KIAA0930: variants seen among roughly 807,000 people sequenced by gnomAD.
The protein encoded by KIAA0930 is uncharacterized protein KIAA0930.
In KIAA0930, 24 loss-of-function variants were observed where a neutral mutation model predicts 43.9. That is an observed-to-expected ratio of 0.55 (90% CI 0.40 to 0.77). KIAA0930 has a LOEUF of 0.77. KIAA0930 is among the 30% of genes least tolerant of loss of function. KIAA0930 has a pLI of 0.00. For synonymous variants in KIAA0930, 259 were observed against 216.4 expected, an observed-to-expected ratio of 1.20 and a Z score of -1.73; for missense variants, 461 against 574.2, an observed-to-expected ratio of 0.80 and a Z score of 2.02.
Position 45,212,005 on chromosome 22 carries a change from C to T in KIAA0930, c.167G>A (p.Arg56His), listed in dbSNP as rs745360157. The T allele has an allele frequency of 1.1e-5, 17 of 1,613,460 alleles. No homozygotes were observed. In the African/African-American group the frequency reaches 1.5e-4, roughly 14 times the overall value. The change falls in exon 2 of 10, where the codon CGC becomes CAC. Residue 56 changes from arginine to histidine, a missense_variant. Transcript: ENST00000336156. ...GCTGCCGGAGTACGCCAGCTTCCGG[C>T]GCACATAGAAAAGCATGTCGTCCTG... The part of the protein sequence containing the change: ...PRQDDMLFYV[R>H]RKLAYSGSES...
At position 45,197,221 on chromosome 22, in the gene KIAA0930, G is replaced by A; in HGVS notation, c.1175-5C>T. ...TCTGCCGAACTTCCAGGATGTCTAG[G>A]GCCGGCAGGAGGGAAGCAGGTGAAA... On this transcript the variant is annotated splice_polypyrimidine_tract_variant and splice_region_variant and intron_variant, in intron 9 of 9. Transcript: ENST00000336156. 6.5e-7 allele frequency: 1 copy of A among 1,550,350 alleles called. No homozygotes were observed.
chr22:45,228,215 G>A (rs2083814812), intron 1 of KIAA0930, among the ~76,000 whole-genome samples: 4 of 152,066 alleles, frequency 2.6e-5, no homozygotes, highest in Non-Finnish European at 1.5e-5. Context: ...TGATGTCCCC[G>A]ATCCCCAGCA....
chr22:45,226,086 AAC>A (rs1483166987), intron 1 of KIAA0930: 2 of 362,198 alleles, frequency 5.5e-6, no homozygotes, highest in Non-Finnish European at 1.1e-5. Flanking sequence ...AACGACAAGA[AAC>A]ACAGGACGTG....
In KIAA0930 at chr22:45,240,642, A is replaced by C; in HGVS notation, c.62T>G (p.Leu21Arg). 1.3e-6 allele frequency: 2 copies of C among 1,525,258 alleles called. No individual in the cohort carries two copies. The highest frequency in any genetic ancestry group is 1.8e-6 in the Non-Finnish European group (2 of 1,142,344). 94.5% of individuals were successfully genotyped at this position (1,525,258 alleles called of 1,614,324 possible). A position where few individuals can be genotyped will look rare whatever the true frequency, so the allele number is the denominator to read the frequency against. The change falls in exon 1 of 10, where the codon CTC becomes CGC. Residue 21 changes from leucine to arginine, a missense_variant and splice_region_variant. Transcript: ENST00000336156. ...RLSLRREVCG[L>R]GCFKDDRIVF... Reference sequence around the variant, plus strand: ...CCTCGCCCCCGGGTCCCACTCACCGAGGCCGCAGACCTCGCGGCGCAGGCT... The same window carrying C: ...CCTCGCCCCCGGGTCCCACTCACCGCGGCCGCAGACCTCGCGGCGCAGGCT...
At chr22:45,213,903 G>A (rs569040080) in intron 1 of KIAA0930, among the ~76,000 whole-genome samples, 3 of 151,674 alleles carry the variant, frequency 2.0e-5, no homozygotes, top group Admixed American at 6.6e-5. Flanking sequence ...CCAGCTACTC[G>A]AGAGGCTGAG....
Position 45,196,264 on chromosome 22 carries a change from A to C in KIAA0930, c.*912T>G, listed in dbSNP as rs1030382805. ...AGAGATGGGACCAACACACGCCGTC[A>C]AAGGAAGTGAGTTCTAGGAAACCAG... On this transcript the variant is annotated 3_prime_UTR_variant, in exon 10 of 10. Coordinates refer to ENST00000336156, the MANE Select transcript of KIAA0930 (RefSeq NM_001009880.2). The surrounding 1 kb of genome is among the most constrained non-coding windows in gnomAD (Gnocchi z 4.1). 6.6e-6 allele frequency: 1 copy of C among 152,256 alleles called. No individual in the cohort carries two copies. The highest frequency in any genetic ancestry group is 1.5e-5 in the Non-Finnish European group (1 of 68,074). 9.4% of individuals were successfully genotyped at this position (152,256 alleles called of 1,614,324 possible). A position where few individuals can be genotyped will look rare whatever the true frequency, so the allele number is the denominator to read the frequency against.
In KIAA0930 at chr22:45,205,217, C is replaced by G. The variant is rs2083625532; in HGVS notation, c.516G>C (p.Glu172Asp). 6.2e-7 allele frequency: 1 copy of G among 1,612,328 alleles called. No homozygotes were observed. The highest frequency in any genetic ancestry group is 8.5e-7 in the Non-Finnish European group (1 of 1,178,440). ...GAGAGAGGCCCTGTGCAGAGCTCAC[C>G]TCCTCGAAGCTGTCAATCATGAAGA... ...NIFFMIDSFEEVFSDMTVGEG... is the reference protein window; with the variant it reads ...NIFFMIDSFEDVFSDMTVGEG... The change falls in exon 5 of 10, where the codon GAG becomes GAC. Residue 172 changes from glutamate (E) to aspartate (D), a missense_variant and splice_region_variant. Glu to Asp is a conservative substitution (Grantham distance 45). Coordinates refer to ENST00000336156, the MANE Select transcript of KIAA0930 (RefSeq NM_001009880.2).
chr22:45,214,134 G>A (rs982468609), intron 1 of KIAA0930, among the ~76,000 whole-genome samples: 1 of 151,930 alleles, frequency 6.6e-6, no homozygotes, highest in Non-Finnish European at 1.5e-5. Flanking sequence ...CCAAGATCGT[G>A]CCACTGCACT....
rs575670918 is a variant in KIAA0930, at chr22:45,200,942, G to A, written c.853-907C>T. On this transcript the variant is annotated intron_variant, in intron 7 of 9. Coordinates refer to ENST00000336156, the MANE Select transcript of KIAA0930 (RefSeq NM_001009880.2). ...GCTGGAGCTGGGTCTTGAAGGACGA[G>A]TAGGAGTTCGCCAGGTGAAGAAGGG... 29 of 494,904 alleles carry A rather than the reference G, an allele frequency of 5.9e-5. No individual in the cohort carries two copies. In the East Asian group the frequency reaches 1.7e-3, roughly 29 times the overall value. The allele number at this position is 494,904 out of a possible 1,614,324, so 30.7% of individuals were successfully genotyped here.
At position 45,193,256 on chromosome 22, in the gene KIAA0930, T is replaced by C. The variant is rs891353737; in HGVS notation, c.*3920A>G. The C allele has an allele frequency of 1.3e-5, 2 of 152,158 alleles. No individual in the cohort carries two copies. The highest frequency in any genetic ancestry group is 1.5e-5 in the Non-Finnish European group (1 of 68,038). The allele number at this position is 152,158 out of a possible 1,614,324, so 9.4% of individuals were successfully genotyped here. A position where few individuals can be genotyped will look rare whatever the true frequency, so the allele number is the denominator to read the frequency against. ...GCAAATCCCACCTAAATTCAAAAATTGAGGAAAACGTCAGTGAAACCTGTT... is the reference window on the plus strand; with the variant it reads ...GCAAATCCCACCTAAATTCAAAAATCGAGGAAAACGTCAGTGAAACCTGTT... On this transcript the variant is annotated 3_prime_UTR_variant, in exon 10 of 10. Coordinates refer to ENST00000336156, the MANE Select transcript of KIAA0930 (RefSeq NM_001009880.2).
intron 1 of KIAA0930, among the ~76,000 whole-genome samples, chr22:45,231,529 C>T (rs574862478): frequency 6.6e-6 from 1 of 152,220 alleles, no homozygotes; most frequent in East Asian, 1.9e-4. Flanking sequence ...CTGTACCTGC[C>T]TGCCACCACC....
intron 1 of KIAA0930, chr22:45,226,286 A>C (rs1439008733): frequency 4.2e-6 from 2 of 470,988 alleles, no homozygotes; most frequent in Non-Finnish European, 8.8e-6. Context: ...CAGTTAAGGA[A>C]ACCGAGACCT....
chr22:45,203,396 C>T (rs888024940), intron 6 of KIAA0930, among the ~76,000 whole-genome samples: 2 of 152,200 alleles, frequency 1.3e-5, no homozygotes, highest in African/African-American at 2.4e-5. Context: ...CCATGAACCA[C>T]GGACCAGGCT....
In KIAA0930 at chr22:45,211,985, C is replaced by T. The variant is rs750550174; in HGVS notation, c.187G>A (p.Gly63Ser). The change falls in exon 2 of 10, where the codon GGC becomes AGC. Residue 63 changes from glycine to serine, a missense_variant. Gly to Ser is a moderately conservative substitution (Grantham distance 56, BLOSUM62 0). Transcript: ENST00000336156. ...FYVRRKLAYS[G>S]SESGADGRKA... ...CTCCCGTCTGCACCGCTTTCGCTGC[C>T]GGAGTACGCCAGCTTCCGGCGCACA... 2.9e-5 allele frequency: 46 copies of T among 1,612,896 alleles called. No homozygotes were observed. Among genetic ancestry groups the T allele is most frequent in the East Asian group, 1.8e-4 (8 of 44,886 alleles).
At chr22:45,234,487 A>G (rs1601828587) in intron 1 of KIAA0930, among the ~76,000 whole-genome samples, 1 of 152,118 alleles carries the variant, frequency 6.6e-6, no homozygotes, top group Non-Finnish European at 1.5e-5. Flanking sequence ...TCTGTGGCTC[A>G]CCTTCCTTCC....
intron 5 of KIAA0930, 69 bp from the exon 6 acceptor site, chr22:45,204,054 A>C (rs1320071581): frequency 6.3e-7 from 1 of 1,598,234 alleles, no homozygotes; most frequent in Admixed American, 1.7e-5. Flanking sequence ...AGCCTGGCCC[A>C]ACTGGCAGGG....
At chr22:45,233,608 C>A (rs2083868008) in intron 1 of KIAA0930, among the ~76,000 whole-genome samples, 1 of 152,096 alleles carries the variant, frequency 6.6e-6, no homozygotes, top group Admixed American at 6.5e-5. Flanking sequence ...GTGGCAGGAC[C>A]TTCACTAGGC....
chr22:45,228,875 C>T (rs1440080340), intron 1 of KIAA0930, among the ~76,000 whole-genome samples: 4 of 47,678 alleles, frequency 8.4e-5, no homozygotes, highest in East Asian at 8.9e-4. Context: ...ACCACTCACC[C>T]GAAAGATCCC....
intron 7 of KIAA0930, among the ~76,000 whole-genome samples, chr22:45,201,548 C>G (rs1433448383): frequency 6.6e-6 from 1 of 152,224 alleles, no homozygotes; most frequent in Non-Finnish European, 1.5e-5. Context: ...TTCACACACA[C>G]ATTTTGTCAG....
Sources: allele counts gnomAD v4.1 joint callset (sites outside exome capture counted in the v4.1 genomes callset), GRCh38; gene constraint gnomAD v4.1.1; non-coding constraint Gnocchi (gnomAD v3.1); transcripts MANE v1.5; gene names NCBI Gene and HGNC (gene_info 2026-07-23, HGNC 2026-07-21).